ITPR2: variants seen among roughly 807,000 people sequenced by gnomAD.
ITPR2 encodes the protein inositol 1,4,5-trisphosphate-gated calcium channel ITPR2.
A neutral mutation model predicts 317.1 loss-of-function variants in ITPR2; 207 were observed. The ratio of observed to expected loss-of-function variants is 0.65; its 90% CI spans 0.58 to 0.73. ITPR2 has a LOEUF of 0.73. Ranked by LOEUF, ITPR2 falls within the 30% of genes least tolerant of loss-of-function variation. ITPR2 has a pLI of 0.00. For synonymous variants in ITPR2, 1,156 were observed against 1,149.1 expected (o/e 1.01, Z -0.12); for missense variants, 2,613 against 3,284.0 (o/e 0.80, Z 4.99).
intron 2 of ITPR2, among the ~76,000 whole-genome samples, chr12:26,739,167 T>C (rs1788705245): frequency 1.3e-5 from 2 of 152,230 alleles, no homozygotes; most frequent in African/African-American, 4.8e-5. Context: ...TCATGTGTTA[T>C]GAGGATGTGG....
In ITPR2 at chr12:26,666,562, G is replaced by A. The variant is rs2136926652; in HGVS notation, c.1410-511C>T. 3.3e-5 allele frequency among the ~76,000 whole-genome samples: 5 copies of A among 152,126 alleles called. No homozygotes were observed. The South Asian group carries it at 1.0e-3, about 32-fold the overall frequency. The stretch of plus-strand genomic sequence containing the variant: ...AATCCTTTTTCTTTCTTTTTTTACT[G>A]TTAAACTACATTTCCTAATCCTCGC... On this transcript the variant is annotated intron_variant, in intron 13 of 56. Coordinates refer to ENST00000381340, the MANE Select transcript of ITPR2 (RefSeq NM_002223.4).
chr12:26,797,363 C>A (rs185147953), intron 1 of ITPR2, among the ~76,000 whole-genome samples: 62 of 152,268 alleles, frequency 4.1e-4, no homozygotes, highest in African/African-American at 1.5e-3. Context: ...ATTATTCCAA[C>A]AACTACAAAG....
At chr12:26,756,838 G>C (rs1949530430) in intron 2 of ITPR2, among the ~76,000 whole-genome samples, 1 of 152,178 alleles carries the variant, frequency 6.6e-6, no homozygotes, top group African/African-American at 2.4e-5. Context: ...TAGGAGCTGG[G>C]TTAAATGAGG....
chr12:26,651,402 T>TA (rs1192849387), intron 21 of ITPR2, among the ~76,000 whole-genome samples: 1 of 152,350 alleles, frequency 6.6e-6, no homozygotes, highest in African/African-American at 2.4e-5. Flanking sequence ...TCTGTATTGG[T>TA]AAAAAATAAA....
At chr12:26,718,826 G>C (rs1243886726) in intron 5 of ITPR2, among the ~76,000 whole-genome samples, 2 of 151,880 alleles carry the variant, frequency 1.3e-5, no homozygotes, top group African/African-American at 4.8e-5. Flanking sequence ...TGGTCAGGCT[G>C]GTTTCGAACT....
intron 34 of ITPR2, among the ~76,000 whole-genome samples, chr12:26,566,288 G>T (rs1412137123): frequency 2.3e-5 from 3 of 132,842 alleles, no homozygotes; most frequent in Admixed American, 7.4e-5. Context: ...GAGGAGAAGG[G>T]AGGAGAGGAG....
intron 21 of ITPR2, among the ~76,000 whole-genome samples, chr12:26,648,349 A>G (rs569723810): frequency 6.6e-6 from 1 of 152,176 alleles, no homozygotes; most frequent in African/African-American, 2.4e-5. Context: ...TGCATGTCCA[A>G]CCCCAACTGT....
At chr12:26,505,534 T>C (rs1330678576) in intron 37 of ITPR2, among the ~76,000 whole-genome samples, 1 of 152,188 alleles carries the variant, frequency 6.6e-6, no homozygotes, top group Non-Finnish European at 1.5e-5. Context: ...CTCAGAGTCA[T>C]CCTCTCTAAC....
chr12:26,340,617 G>C (rs911824396), intron 55 of ITPR2, among the ~76,000 whole-genome samples: 1 of 152,184 alleles, frequency 6.6e-6, no homozygotes, highest in Non-Finnish European at 1.5e-5. Context: ...GATGGTGAAT[G>C]ATGAGGTGGG....
intron 7 of ITPR2, 94 bp from the exon 8 acceptor site, chr12:26,715,539 T>C (rs963201243): frequency 4.4e-6 from 5 of 1,142,494 alleles, no homozygotes; most frequent in South Asian, 1.6e-5. Context: ...TACTAGCTAT[T>C]TGACTTTTAA....
Position 26,831,630 on chromosome 12 carries a change from GA to G in ITPR2, c.92+1059del, listed in dbSNP as rs141046910. 0.033 allele frequency among the ~76,000 whole-genome samples: 4,950 copies of G among 148,006 alleles called. 137 individuals carry two copies. The highest frequency in any genetic ancestry group is 0.055 in the Non-Finnish European group (3,649 of 66,252). ...CACTGCTATTCCCAATCAGAACAGA[GA>G]AAACAAGGAAGTCCTATTTAACCAT... On this transcript the variant is annotated intron_variant, in intron 1 of 56. Coordinates refer to ENST00000381340, the MANE Select transcript of ITPR2 (RefSeq NM_002223.4). This position sits in a 1 kb window ranked among gnomAD's most constrained non-coding sequence, Gnocchi z 4.9.
At chr12:26,357,581 C>A (rs117588584) in intron 55 of ITPR2, among the ~76,000 whole-genome samples, 1 of 152,316 alleles carries the variant, frequency 6.6e-6, no homozygotes, top group African/African-American at 2.4e-5. Context: ...AAGAGGGTTG[C>A]GGGAACCGCC....
intron 13 of ITPR2, among the ~76,000 whole-genome samples, chr12:26,672,320 T>G (rs1336929300): frequency 6.6e-6 from 1 of 151,894 alleles, no homozygotes; most frequent in Non-Finnish European, 1.5e-5. Context: ...CCTCAGCAAA[T>G]GTAAAAGAGC....
chr12:26,663,685 C>T lies in ITPR2; in HGVS notation c.1713G>A (p.Gln571=). ...RHSQQDYRKN[Q]EYIAKNFCVM... is the part of the protein sequence containing the mutation. ...TTTAAAATGGGGGCTACCCTCTGAC[C>T]TGATTTTTCCGGTAATCCTGCTGCG... The change falls in exon 15 of 57, where the codon CAG becomes CAA. Residue 571 remains glutamine, a splice_region_variant and synonymous_variant. Transcript: ENST00000381340. The T allele has an allele frequency of 6.2e-7, 1 of 1,609,036 alleles. No homozygotes were observed.
chr12:26,494,189 G>A lies in ITPR2; in HGVS notation c.5334C>T (p.Gly1778=). 1 of 1,613,256 alleles carries A rather than the reference G, an allele frequency of 6.2e-7. No individual in the cohort carries two copies. Among genetic ancestry groups the A allele is most frequent in the Non-Finnish European group, 8.5e-7 (1 of 1,179,610 alleles). Reference sequence around the variant, plus strand: ...TATTTCCTCCTTCAAGCAAGGCAATGCCGAGGAAAATGCCTTCTGAAAAAA... The same window carrying A: ...TATTTCCTCCTTCAAGCAAGGCAATACCGAGGAAAATGCCTTCTGAAAAAA... ...DRIFSEGIFL[G]IALLEGGNTQ... The change falls in exon 39 of 57, where the codon GGC becomes GGT. Residue 1778 remains glycine (G), a synonymous_variant. Coordinates refer to ENST00000381340, the MANE Select transcript of ITPR2 (RefSeq NM_002223.4).
chr12:26,752,530 C>T (rs1353895435), intron 2 of ITPR2, among the ~76,000 whole-genome samples: 5 of 152,148 alleles, frequency 3.3e-5, no homozygotes, highest in South Asian at 2.1e-4. Context: ...GCCATGGCAA[C>T]GTCAGGAATT....
chr12:26,653,698 T>A (rs1445652314), intron 21 of ITPR2, among the ~76,000 whole-genome samples: 1 of 152,234 alleles, frequency 6.6e-6, no homozygotes, highest in African/African-American at 2.4e-5. Flanking sequence ...GTTTTCATTT[T>A]TTAACACAGA....
At chr12:26,450,968 T>G (rs1473505673) in intron 45 of ITPR2, among the ~76,000 whole-genome samples, 1 of 152,174 alleles carries the variant, frequency 6.6e-6, no homozygotes, top group Non-Finnish European at 1.5e-5. Context: ...CTAACAAATC[T>G]GTGTTTCTTG....
intron 9 of ITPR2, among the ~76,000 whole-genome samples, chr12:26,698,842 A>G (rs919109739): frequency 2.0e-5 from 3 of 152,134 alleles, no homozygotes; most frequent in African/African-American, 7.2e-5. Flanking sequence ...GAGTGAGTTA[A>G]CTGGCCTCCT....
Sources: allele counts gnomAD v4.1 joint callset (sites outside exome capture counted in the v4.1 genomes callset), GRCh38; gene constraint gnomAD v4.1.1; non-coding constraint Gnocchi (gnomAD v3.1); transcripts MANE v1.5; gene names NCBI Gene and HGNC (gene_info 2026-07-23, HGNC 2026-07-21).